The following LUZP2 variants were observed in gnomAD, a reference collection of about 807,000 sequenced individuals.
LUZP2 encodes leucine zipper protein 2.
A neutral mutation model predicts 51.6 loss-of-function variants in LUZP2; 52 were observed. The observed-to-expected ratio is 1.01, with a 90% confidence interval of 0.81 to 1.27. The LOEUF (loss-of-function observed/expected upper bound fraction) is 1.27. LUZP2 is among the 50% of genes most tolerant of loss of function. The pLI, the probability that LUZP2 is intolerant of heterozygous loss-of-function variation, is 0.00. For synonymous variants in LUZP2, 154 were observed against 137.3 expected (o/e 1.12, Z -0.85); for missense variants, 436 against 395.4 (o/e 1.10, Z -0.87).
intron 1 of LUZP2, among the ~76,000 whole-genome samples, chr11:24,558,438 G>A (rs919284853): frequency 7.7e-6 from 1 of 129,386 alleles, no homozygotes; most frequent in African/African-American, 3.0e-5. Flanking sequence ...GGAGAACTCT[G>A]ACTCAAACAG....
chr11:24,717,520 G>A (rs2133944209), intron 1 of LUZP2, among the ~76,000 whole-genome samples: 1 of 149,874 alleles, frequency 6.7e-6, no homozygotes, highest in African/African-American at 2.5e-5. Flanking sequence ...CCATTCTCCT[G>A]CCTCAGCTTT....
intron 1 of LUZP2, among the ~76,000 whole-genome samples, chr11:24,720,909 G>A (rs561627797): frequency 6.6e-6 from 1 of 152,100 alleles, no homozygotes; most frequent in South Asian, 2.1e-4. Flanking sequence ...CCGTGGTCTC[G>A]AACTCCTGAC....
intron 1 of LUZP2, among the ~76,000 whole-genome samples, chr11:24,606,882 T>C (rs1853937412): frequency 6.6e-6 from 1 of 152,020 alleles, no homozygotes; most frequent in African/African-American, 2.4e-5. Context: ...TGTTTTCCTT[T>C]TCCCTAATGA....
chr11:24,585,750 C>G (rs1263999117), intron 1 of LUZP2, among the ~76,000 whole-genome samples: 1 of 151,920 alleles, frequency 6.6e-6, no homozygotes, highest in Non-Finnish European at 1.5e-5. Flanking sequence ...AAGGGGAGAA[C>G]AAAACTCTGA....
At chr11:24,735,086 G>T (rs1858881992) in intron 3 of LUZP2, among the ~76,000 whole-genome samples, 1 of 151,922 alleles carries the variant, frequency 6.6e-6, no homozygotes, top group African/African-American at 2.4e-5. Flanking sequence ...TGTGTAGCTG[G>T]AGCTAGGCTG....
intron 1 of LUZP2, among the ~76,000 whole-genome samples, chr11:24,604,289 G>C (rs1462713882): frequency 6.6e-6 from 1 of 151,706 alleles, no homozygotes; most frequent in Non-Finnish European, 1.5e-5. Context: ...ACATTACTAT[G>C]TGATGGATAA....
intron 1 of LUZP2, among the ~76,000 whole-genome samples, chr11:24,693,199 A>G (rs760072666): frequency 4.6e-5 from 7 of 151,498 alleles, no homozygotes; most frequent in African/African-American, 9.7e-5. Flanking sequence ...TTCTTGTTCA[A>G]TAATATCATT....
At chr11:24,632,929 A>G (rs1179463887) in intron 1 of LUZP2, among the ~76,000 whole-genome samples, 4 of 152,044 alleles carry the variant, frequency 2.6e-5, no homozygotes, top group Non-Finnish European at 5.9e-5. Context: ...GTATTAAGAA[A>G]TGATATGTAC....
intron 1 of LUZP2, among the ~76,000 whole-genome samples, chr11:24,566,894 TTATATATG>T (rs1852253302): frequency 9.3e-5 from 8 of 85,644 alleles, no homozygotes; most frequent in Non-Finnish European, 1.3e-4. Flanking sequence ...ATATACATAT[TTATATATG>T]TTATATATAT....
intron 5 of LUZP2, among the ~76,000 whole-genome samples, chr11:24,764,404 C>T (rs1239631311): frequency 1.3e-5 from 2 of 149,824 alleles, no homozygotes; most frequent in East Asian, 4.0e-4. Context: ...AACTATAATC[C>T]CAGCACTTAG....
intron 1 of LUZP2, among the ~76,000 whole-genome samples, chr11:24,695,631 T>C (rs1857224299): frequency 6.6e-6 from 1 of 152,064 alleles, no homozygotes; most frequent in South Asian, 2.1e-4. Context: ...AGTATCTTCC[T>C]TTCAACTTTA....
intron 1 of LUZP2, among the ~76,000 whole-genome samples, chr11:24,546,561 G>A (rs2133734525): frequency 6.6e-6 from 1 of 152,012 alleles, no homozygotes; most frequent in South Asian, 2.1e-4. Flanking sequence ...CTGTTTATGT[G>A]GTGTGAATCA....
intron 5 of LUZP2, among the ~76,000 whole-genome samples, chr11:24,794,667 T>C (rs1356553298): frequency 3.9e-5 from 6 of 152,260 alleles, no homozygotes; most frequent in Non-Finnish European, 7.4e-5. Flanking sequence ...ATTGGACAAA[T>C]GAAAGGTGTT....
At chr11:25,066,595 A>C (rs1590892619) in intron 10 of LUZP2, among the ~76,000 whole-genome samples, 1 of 151,964 alleles carries the variant, frequency 6.6e-6, no homozygotes. Context: ...TTCTATAGGC[A>C]ATGGGAAATC....
intron 9 of LUZP2, among the ~76,000 whole-genome samples, chr11:25,036,367 C>T (rs1448805227): frequency 6.6e-6 from 1 of 151,748 alleles, no homozygotes; most frequent in African/African-American, 2.4e-5. Flanking sequence ...CTTTCTTTTT[C>T]TTTGTTAGTC....
intron 1 of LUZP2, among the ~76,000 whole-genome samples, chr11:24,716,739 T>C (rs1858059630): frequency 6.6e-6 from 1 of 151,926 alleles, no homozygotes; most frequent in Admixed American, 6.6e-5. Context: ...GTACTAAAAA[T>C]ACAAAAATGT....
intron 1 of LUZP2, among the ~76,000 whole-genome samples, chr11:24,676,055 G>A (rs1298060266): frequency 3.3e-5 from 5 of 152,044 alleles, no homozygotes; most frequent in Non-Finnish European, 7.4e-5. Context: ...CTAACCTCAA[G>A]TGATCTGCCC....
chr11:25,011,929 C>G (rs771113710), intron 9 of LUZP2, among the ~76,000 whole-genome samples: 1 of 151,756 alleles, frequency 6.6e-6, no homozygotes, highest in Non-Finnish European at 1.5e-5. Context: ...CCAAAATTAT[C>G]TAGACCTTGA....
intron 5 of LUZP2, among the ~76,000 whole-genome samples, chr11:24,835,527 A>C (rs1274430193): frequency 6.6e-6 from 1 of 152,134 alleles, no homozygotes; most frequent in African/African-American, 2.4e-5. Flanking sequence ...CAGGCAACCT[A>C]CAGAAAAGTT....
Sources: gnomAD v4.1 joint callset for allele counts (sites outside exome capture counted in the v4.1 genomes callset) on GRCh38, gnomAD v4.1.1 for gene constraint, MANE v1.5 for transcripts, NCBI Gene and HGNC (gene_info 2026-07-23, HGNC 2026-07-21) for gene names.